AJAP1: variants seen among roughly 807,000 people sequenced by gnomAD.
AJAP1 encodes adherens junction-associated protein 1.
AJAP1 carries 5 observed loss-of-function variants against 35.0 expected under a neutral mutation model. The observed-to-expected ratio is 0.14, with a 90% confidence interval of 0.07 to 0.30. The LOEUF is 0.30. Ranked by LOEUF, AJAP1 falls within the 10% of genes least tolerant of loss-of-function variation. The probability of loss-of-function intolerance (pLI) is 1.00; values close to 1 mark genes in which losing one functional copy is unlikely to be tolerated. For synonymous variants in AJAP1, 284 were observed against 249.3 expected, an observed-to-expected ratio of 1.14 and a Z score of -1.31; for missense variants, 586 against 571.0, an observed-to-expected ratio of 1.03 and a Z score of -0.27.
rs564187735 is a variant in AJAP1, at chr1:4,689,443, A to G, written c.30-22457A>G. Among the ~76,000 whole-genome samples the G allele has an allele frequency of 8.9e-3, 1,350 of 152,236 alleles. 11 individuals carry two copies. Among genetic ancestry groups the G allele is most frequent in the Non-Finnish European group, 0.015 (1,036 of 68,012 alleles). On this transcript the variant is annotated intron_variant, in intron 1 of 5. Transcript: ENST00000378191. ...AGGAACGCAAGGCCCAGGAAGGCGG[A>G]GGCGGGGGGCGTTCCTGGCAGGATC...
At chr1:4,672,580 C>A (rs980493157) in intron 1 of AJAP1, among the ~76,000 whole-genome samples, 1 of 152,128 alleles carries the variant, frequency 6.6e-6, no homozygotes, top group Admixed American at 6.5e-5. Flanking sequence ...GGATAGAGGC[C>A]CTTCCATTGC....
At chr1:4,754,826 G>C (rs1406755443) in intron 2 of AJAP1, among the ~76,000 whole-genome samples, 1 of 151,994 alleles carries the variant, frequency 6.6e-6, no homozygotes, top group African/African-American at 2.4e-5. Flanking sequence ...CCCTTGTGCT[G>C]CCTGCCCTTG....
intron 1 of AJAP1, among the ~76,000 whole-genome samples, chr1:4,661,226 C>T (rs1000337772): frequency 6.6e-6 from 1 of 152,230 alleles, no homozygotes; most frequent in African/African-American, 2.4e-5. Context: ...ATATCATGAC[C>T]TACACCTGAT....
chr1:4,710,963 C>T (rs771377984), intron 1 of AJAP1, among the ~76,000 whole-genome samples: 1 of 152,172 alleles, frequency 6.6e-6, no homozygotes, highest in Non-Finnish European at 1.5e-5. Context: ...AGCCCCGCTG[C>T]GTGGAGAGGC....
intron 2 of AJAP1, among the ~76,000 whole-genome samples, chr1:4,744,338 G>A (rs1251492874): frequency 1.2e-4 from 19 of 152,246 alleles, no homozygotes; most frequent in Admixed American, 1.1e-3. Flanking sequence ...TCCTCTGGTA[G>A]ATGAGTGGGC....
intron 1 of AJAP1, among the ~76,000 whole-genome samples, chr1:4,672,109 C>T (rs149730830): frequency 5.5e-4 from 84 of 152,252 alleles, no homozygotes; most frequent in African/African-American, 1.9e-3. Flanking sequence ...CTGCTGTCTC[C>T]CCGGGGTGTG....
rs765757243 is a variant in AJAP1 at position 4,712,332 on chromosome 1, G to T, written c.462G>T (p.Arg154Ser). ...CGGAGCAGCAGGCCCTCCTGAGGAG[G>T]GGCAAGAGGCACCTGCAGGGGGACG... is the stretch of plus-strand genomic sequence containing the variant. ...GAPEQQALLR[R>S]GKRHLQGDGL... Residue 154 changes from arginine (R) to serine (S), a missense_variant, in exon 2 of 6, where the codon AGG becomes AGT. Physicochemically the swap from Arg to Ser is moderately radical, Grantham distance 110 (BLOSUM62 -1). Coordinates refer to ENST00000378191, the MANE Select transcript of AJAP1 (RefSeq NM_018836.4). 3 of 1,494,120 alleles carry T rather than the reference G, an allele frequency of 2.0e-6. No individual in the cohort carries two copies. Among genetic ancestry groups the T allele is most frequent in the Admixed American group, 4.6e-5 (2 of 43,448 alleles). The allele number at this position is 1,494,120 out of a possible 1,614,324, so 92.6% of individuals were successfully genotyped here.
At chr1:4,735,170 C>A (rs1333611445) in intron 2 of AJAP1, among the ~76,000 whole-genome samples, 1 of 152,246 alleles carries the variant, frequency 6.6e-6, no homozygotes, top group Non-Finnish European at 1.5e-5. Context: ...TGCCACAGCA[C>A]GCAAGGCATG....
chr1:4,654,651 C>A lies in AJAP1; in HGVS notation c.-775C>A, dbSNP rs1638829638. 1.3e-5 allele frequency: 2 copies of A among 148,594 alleles called. No homozygotes were observed. Among genetic ancestry groups the A allele is most frequent in the African/African-American group, 4.9e-5 (2 of 40,922 alleles). The allele number at this position is 148,594 out of a possible 1,614,324, so 9.2% of individuals were successfully genotyped here. A position where few individuals can be genotyped will look rare whatever the true frequency, so the allele number is the denominator to read the frequency against. ...CGGCTGAGCAGCGCGGGCGGCTCTG[C>A]GGCGGGCGCGGTGGGCGCGGGCGGC... is the stretch of plus-strand genomic sequence containing the variant. On this transcript the variant is annotated 5_prime_UTR_variant, in exon 1 of 6. Coordinates refer to ENST00000378191, the MANE Select transcript of AJAP1 (RefSeq NM_018836.4). This position sits in a 1 kb window ranked among gnomAD's most constrained non-coding sequence, Gnocchi z 5.1.
intron 2 of AJAP1, among the ~76,000 whole-genome samples, chr1:4,765,727 C>G (rs1009158904): frequency 6.6e-6 from 1 of 152,172 alleles, no homozygotes; most frequent in African/African-American, 2.4e-5. Flanking sequence ...AGGAATCAAA[C>G]TGGTACATTT....
At chr1:4,719,288 G>A (rs554024859) in intron 2 of AJAP1, among the ~76,000 whole-genome samples, 3 of 152,240 alleles carry the variant, frequency 2.0e-5, no homozygotes, top group Admixed American at 6.5e-5. Context: ...AGCGGGATGA[G>A]GAGTTGCAAA....
At chr1:4,710,499 TCACA>T (rs890490930) in intron 1 of AJAP1, among the ~76,000 whole-genome samples, 1 of 151,960 alleles carries the variant, frequency 6.6e-6, no homozygotes, top group African/African-American at 2.4e-5. Flanking sequence ...ACGCACACAC[TCACA>T]CACTTGCGTG....
At chr1:4,755,747 A>T (rs996358033) in intron 2 of AJAP1, among the ~76,000 whole-genome samples, 3 of 151,884 alleles carry the variant, frequency 2.0e-5, no homozygotes, top group African/African-American at 4.8e-5. Context: ...GCAATGGGGG[A>T]GAGAGATTGG....
intron 3 of AJAP1, among the ~76,000 whole-genome samples, chr1:4,770,857 G>A (rs1020839563): frequency 6.6e-6 from 1 of 152,088 alleles, no homozygotes; most frequent in Non-Finnish European, 1.5e-5. Flanking sequence ...CCTCCCACTC[G>A]GCTAGCGAGG....
intron 1 of AJAP1, among the ~76,000 whole-genome samples, chr1:4,690,205 A>G (rs1006148809): frequency 2.6e-5 from 4 of 152,162 alleles, no homozygotes; most frequent in Admixed American, 2.6e-4. Flanking sequence ...GCCCATCCAG[A>G]CCCTCCAGGA....
Position 4,773,251 on chromosome 1 carries a change from A to G in AJAP1, c.1163+726A>G, listed in dbSNP as rs532247146. ...ATCCATTGTGAGCAATAGAATTAGC[A>G]GCCAGGGTAACACTGCCCCAGGCCC... On this transcript the variant is annotated intron_variant, in intron 4 of 5. Transcript: ENST00000378191. Among the ~76,000 whole-genome samples the G allele has an allele frequency of 2.0e-4, 30 of 152,350 alleles. 1 individual carries two copies. The South Asian group carries it at 5.6e-3, about 28-fold the overall frequency.
chr1:4,746,043 A>C (rs116819039), intron 2 of AJAP1, among the ~76,000 whole-genome samples: 1,581 of 152,254 alleles, frequency 0.01, 30 homozygotes, highest in African/African-American at 0.036. Context: ...GTGATTTAAA[A>C]CAACAGCAAT....
At chr1:4,681,534 T>C (rs1319420726) in intron 1 of AJAP1, among the ~76,000 whole-genome samples, 1 of 152,162 alleles carries the variant, frequency 6.6e-6, no homozygotes, top group Admixed American at 6.5e-5. Flanking sequence ...AAGGGCTAGG[T>C]TCTGGCCATA....
chr1:4,739,052 G>T (rs963733509), intron 2 of AJAP1, among the ~76,000 whole-genome samples: 1 of 152,120 alleles, frequency 6.6e-6, no homozygotes, highest in African/African-American at 2.4e-5. Flanking sequence ...TCTCTCCCGG[G>T]AGATTGCATT....
Sources: gnomAD v4.1 joint callset for allele counts (sites outside exome capture counted in the v4.1 genomes callset) on GRCh38, gnomAD v4.1.1 for gene constraint, Gnocchi (gnomAD v3.1) non-coding constraint, MANE v1.5 for transcripts, NCBI Gene and HGNC (gene_info 2026-07-23, HGNC 2026-07-21) for gene names.